Variants in FBXO16 observed in about 807,000 individuals in gnomAD.
The protein encoded by FBXO16 is F-box protein 16, also known as F-box only protein 16.
FBXO16 carries 31 observed loss-of-function variants against 41.0 expected under a neutral mutation model. That is an observed-to-expected ratio of 0.76 (90% confidence interval 0.57 to 1.02). The LOEUF is 1.02. Ranked by LOEUF, FBXO16 falls within the 50% of genes least tolerant of loss-of-function variation. The probability of loss-of-function intolerance (pLI) is 0.00; values close to 1 mark genes in which losing one functional copy is unlikely to be tolerated. For missense variants in FBXO16, 361 were observed against 346.2 expected, an observed-to-expected ratio of 1.04 and a Z score of -0.34; for synonymous variants, 133 against 117.8, an observed-to-expected ratio of 1.13 and a Z score of -0.84.
intron 1 of FBXO16, 92 bp from the exon 2 acceptor site, chr8:28,483,554 C>T (rs1306646013): frequency 2.3e-6 from 2 of 854,484 alleles, no homozygotes; most frequent in East Asian, 2.6e-5. Context: ...CACGATGGCT[C>T]ACGCCTGTAA....
chr8:28,469,329 A>T (rs1401089734), intron 3 of FBXO16, among the ~76,000 whole-genome samples: 1 of 151,388 alleles, frequency 6.6e-6, no homozygotes, highest in African/African-American at 2.4e-5. Context: ...AAAAAAAAAA[A>T]TTGTTTTCAG....
intron 2 of FBXO16, among the ~76,000 whole-genome samples, chr8:28,479,039 T>C (rs1803467449): frequency 6.6e-6 from 1 of 152,124 alleles, no homozygotes; most frequent in Non-Finnish European, 1.5e-5. Flanking sequence ...TGCCTCCTCC[T>C]GCTTTGCCCT....
At chr8:28,440,572 C>T (rs922289407) in intron 7 of FBXO16, among the ~76,000 whole-genome samples, 1 of 152,046 alleles carries the variant, frequency 6.6e-6, no homozygotes, top group Admixed American at 6.6e-5. Context: ...CCCCCCCACC[C>T]CTTTTGAGTG....
chr8:28,466,398 T>C (rs1803239988), intron 3 of FBXO16, among the ~76,000 whole-genome samples: 4 of 152,078 alleles, frequency 2.6e-5, no homozygotes, highest in Admixed American at 2.6e-4. Context: ...ACAAAAACTT[T>C]AACTGCGAAG....
intron 7 of FBXO16, among the ~76,000 whole-genome samples, chr8:28,443,619 C>T (rs911536340): frequency 6.6e-6 from 1 of 152,124 alleles, no homozygotes; most frequent in African/African-American, 2.4e-5. Context: ...AGGGCAACTC[C>T]ATCTTGAATA....
chr8:28,447,316 T>TA (rs779893708), intron 6 of FBXO16, 43 bp from the exon 7 acceptor site: 3 of 1,535,362 alleles, frequency 2.0e-6, no homozygotes, highest in Middle Eastern at 1.7e-4. Context: ...AGTATCTTTT[T>TA]AAAACTCAGG....
At chr8:28,433,408 C>A (rs989171676) in intron 7 of FBXO16, among the ~76,000 whole-genome samples, 6 of 152,222 alleles carry the variant, frequency 3.9e-5, no homozygotes, top group Non-Finnish European at 7.3e-5. Flanking sequence ...TTCCCCTGGG[C>A]TCCGGGCCCA....
At chr8:28,471,345 G>A (rs995658965) in intron 3 of FBXO16, among the ~76,000 whole-genome samples, 1 of 151,800 alleles carries the variant, frequency 6.6e-6, no homozygotes, top group Non-Finnish European at 1.5e-5. Flanking sequence ...AACTAAGACA[G>A]TGCTTGATGT....
intron 3 of FBXO16, among the ~76,000 whole-genome samples, chr8:28,470,635 A>T (rs146977678): frequency 6.6e-6 from 1 of 152,230 alleles, no homozygotes; most frequent in Admixed American, 6.5e-5. Context: ...AATTTTTGCC[A>T]TATAGGCAAG....
At chr8:28,449,880 G>A (rs780077687) in intron 6 of FBXO16, among the ~76,000 whole-genome samples, 2 of 150,508 alleles carry the variant, frequency 1.3e-5, no homozygotes, top group East Asian at 3.9e-4. Context: ...GCTGAGGCAG[G>A]AGAATGGCTT....
rs777366526 is a variant in FBXO16 at position 28,463,731 on chromosome 8, G to T, written c.223C>A (p.Arg75=). The change falls in exon 4 of 9, where the codon CGA becomes AGA. Residue 75 remains arginine, a synonymous_variant. Coordinates refer to ENST00000380254, the MANE Select transcript of FBXO16 (RefSeq NM_172366.4). ...GCTGGAATTTTCTCTTGAAGCTTTC[G>T]ACAGCAGAACTTTTGCTGGGACAGC... The part of the protein sequence containing the change: ...CSLSQQKFCC[R]KLQEKIPAEA... The T allele has an allele frequency of 1.9e-6, 3 of 1,614,172 alleles. No individual in the cohort carries two copies. The South Asian group carries it at 3.3e-5, about 18-fold the overall frequency.
chr8:28,435,244 C>T (rs1802670928), intron 7 of FBXO16, among the ~76,000 whole-genome samples: 1 of 151,220 alleles, frequency 6.6e-6, no homozygotes, highest in African/African-American at 2.4e-5. Context: ...GATCCTGGCT[C>T]ACTGCAACCT....
At chr8:28,483,237 T>C in intron 2 of FBXO16, 111 bp downstream of exon 2, 1 of 989,360 alleles carries the variant, frequency 1.0e-6, no homozygotes, top group Non-Finnish European at 1.5e-6. Context: ...TTTTTATTCA[T>C]CCATTACACA....
At chr8:28,433,853 G>A (rs1372514789) in intron 7 of FBXO16, among the ~76,000 whole-genome samples, 1 of 151,628 alleles carries the variant, frequency 6.6e-6, no homozygotes, top group Non-Finnish European at 1.5e-5. Context: ...AGGGGCCCAA[G>A]AAAGACGAGG....
At chr8:28,453,394 A>G (rs1802986951) in intron 5 of FBXO16, among the ~76,000 whole-genome samples, 1 of 151,886 alleles carries the variant, frequency 6.6e-6, no homozygotes, top group Admixed American at 6.6e-5. Flanking sequence ...ACATAGAAAC[A>G]ACTTTGAGTT....
At chr8:28,437,546 C>T (rs1366485106) in intron 7 of FBXO16, among the ~76,000 whole-genome samples, 3 of 152,212 alleles carry the variant, frequency 2.0e-5, no homozygotes, top group Non-Finnish European at 2.9e-5. Flanking sequence ...GTTCAACACA[C>T]ATGCATTCTT....
chr8:28,478,901 GT>G (rs1413316280), intron 2 of FBXO16, among the ~76,000 whole-genome samples: 1 of 151,754 alleles, frequency 6.6e-6, no homozygotes, highest in Non-Finnish European at 1.5e-5. Flanking sequence ...CATGGGGGCG[GT>G]TTGTCATGGT....
intron 3 of FBXO16, among the ~76,000 whole-genome samples, chr8:28,472,502 AG>A (rs1435455931): frequency 6.6e-6 from 1 of 151,954 alleles, no homozygotes; most frequent in East Asian, 1.9e-4. Context: ...TGGGAGGTCA[AG>A]GGGGGGCGGG....
At chr8:28,431,951 T>G (rs551055945) in intron 7 of FBXO16, among the ~76,000 whole-genome samples, 1 of 151,268 alleles carries the variant, frequency 6.6e-6, no homozygotes, top group South Asian at 2.1e-4. Flanking sequence ...CAGGGTTGTG[T>G]TTTTTTTTCT....
Sources: allele counts gnomAD v4.1 joint callset (sites outside exome capture counted in the v4.1 genomes callset), GRCh38; gene constraint gnomAD v4.1.1; transcripts MANE v1.5; gene names NCBI Gene and HGNC (gene_info 2026-07-23, HGNC 2026-07-21).